The following SIK2 variants were observed in gnomAD, a reference collection of about 807,000 sequenced individuals.
SIK2 encodes serine/threonine-protein kinase SIK2.
SIK2 carries 29 observed loss-of-function variants against 103.2 expected under a neutral mutation model. The ratio of observed to expected loss-of-function variants is 0.28; its 90% CI spans 0.21 to 0.38. SIK2 has a LOEUF of 0.38. Among genes scored for constraint, SIK2 ranks in the 10% least tolerant of loss-of-function variants. SIK2 has a pLI of 1.00. For missense variants in SIK2, 879 were observed against 1,171.0 expected, an observed-to-expected ratio of 0.75 and a Z score of 3.64; for synonymous variants, 412 against 446.1, an observed-to-expected ratio of 0.92 and a Z score of 0.96.
chr11:111,672,029 G>A (rs543609542), intron 3 of SIK2: 2 of 519,796 alleles, frequency 3.8e-6, no homozygotes, highest in African/African-American at 3.9e-5. Flanking sequence ...TTGGTCTCAA[G>A]TGCCTTGTTC....
At chr11:111,665,276 T>C (rs1942521279) in intron 3 of SIK2, among the ~76,000 whole-genome samples, 1 of 150,128 alleles carries the variant, frequency 6.7e-6, no homozygotes, top group Non-Finnish European at 1.5e-5. Flanking sequence ...CGAAACCCCA[T>C]GTTTACAAAA....
At chr11:111,696,616 G>T (rs1353499106) in intron 4 of SIK2, among the ~76,000 whole-genome samples, 1 of 152,170 alleles carries the variant, frequency 6.6e-6, no homozygotes, top group Non-Finnish European at 1.5e-5. Context: ...TTCTAGCAGG[G>T]CTAGGCTGGA....
chr11:111,693,517 G>GT (rs1264398525), intron 4 of SIK2, among the ~76,000 whole-genome samples: 1 of 152,142 alleles, frequency 6.6e-6, no homozygotes, highest in African/African-American at 2.4e-5. Flanking sequence ...ATTTCCACCT[G>GT]TTTTGGCCCT....
intron 8 of SIK2, 42 bp from the exon 9 acceptor site, chr11:111,712,169 G>T: frequency 1.3e-6 from 2 of 1,572,450 alleles, no homozygotes; most frequent in African/African-American, 2.7e-5. Context: ...TATAGAGAAG[G>T]TATTCATGTT....
At chr11:111,654,617 AAAC>A (rs1942368028) in intron 3 of SIK2, among the ~76,000 whole-genome samples, 1 of 152,250 alleles carries the variant, frequency 6.6e-6, no homozygotes. Flanking sequence ...AATCAGTATA[AAAC>A]AACTTTTCAA....
chr11:111,608,075 A>C (rs1214551318), intron 1 of SIK2, among the ~76,000 whole-genome samples: 1 of 152,160 alleles, frequency 6.6e-6, no homozygotes, highest in Non-Finnish European at 1.5e-5. Context: ...TTTCCGCTTT[A>C]ATGTACCTAG....
intron 3 of SIK2, among the ~76,000 whole-genome samples, chr11:111,635,139 TA>T (rs1385084127): frequency 6.6e-6 from 1 of 152,072 alleles, no homozygotes; most frequent in Non-Finnish European, 1.5e-5. Context: ...AGAAAATTGT[TA>T]TTGTTCTCCC....
chr11:111,623,763 G>A (rs1004867402), intron 3 of SIK2, among the ~76,000 whole-genome samples: 1 of 152,132 alleles, frequency 6.6e-6, no homozygotes, highest in South Asian at 2.1e-4. Flanking sequence ...TCCCTCACAC[G>A]TGAGCCAATC....
intron 3 of SIK2, among the ~76,000 whole-genome samples, chr11:111,646,218 G>A (rs2135860111): frequency 6.6e-6 from 1 of 152,260 alleles, no homozygotes; most frequent in East Asian, 1.9e-4. Context: ...GGGAGGCCAA[G>A]GTGGGTGGAT....
intron 9 of SIK2, among the ~76,000 whole-genome samples, chr11:111,716,797 T>A (rs1943653511): frequency 6.6e-6 from 1 of 151,876 alleles, no homozygotes. Flanking sequence ...TCAGTAAAAA[T>A]ATTAAGGATA....
chr11:111,705,216 C>T lies in SIK2; in HGVS notation c.1101+77C>T. 3 of 1,402,766 alleles carry T rather than the reference C, an allele frequency of 2.1e-6. No homozygotes were observed. In the African/African-American group the frequency reaches 4.5e-5, roughly 21 times the overall value. 86.9% of individuals were successfully genotyped at this position (1,402,766 alleles called of 1,614,324 possible). Reference sequence around the variant, plus strand: ...TTTGATACATTTTTCATCTTATACACAGGGTTAGGATTTCATCCTCTACAC... The same window carrying T: ...TTTGATACATTTTTCATCTTATACATAGGGTTAGGATTTCATCCTCTACAC... On this transcript the variant is annotated intron_variant, in intron 8 of 14. Coordinates refer to ENST00000304987, the MANE Select transcript of SIK2 (RefSeq NM_015191.3). The surrounding 1 kb of genome is among the most constrained non-coding windows in gnomAD (Gnocchi z 4.3).
At chr11:111,714,125 CG>C (rs1591640532) in intron 9 of SIK2, among the ~76,000 whole-genome samples, 1 of 152,158 alleles carries the variant, frequency 6.6e-6, no homozygotes, top group Non-Finnish European at 1.5e-5. Flanking sequence ...GGCTGGAAAC[CG>C]GGGGTGAGGA....
rs189932580 is a variant in SIK2, at chr11:111,701,667, T to C, written c.727+92T>C. 2 of 1,486,548 alleles carry C rather than the reference T, an allele frequency of 1.3e-6. No homozygotes were observed. The highest frequency in any genetic ancestry group is 4.0e-5 in the Admixed American group (2 of 50,142). 92.1% of individuals were successfully genotyped at this position (1,486,548 alleles called of 1,614,324 possible). Reference sequence around the variant, plus strand: ...AAAAGCTTCTTTTTTTCTAAGAGTTTGGGTGCCAAATAAAGTGACTGAGCT... The same window carrying C: ...AAAAGCTTCTTTTTTTCTAAGAGTTCGGGTGCCAAATAAAGTGACTGAGCT... On this transcript the variant is annotated intron_variant, in intron 6 of 14. Transcript: ENST00000304987. This position sits in a 1 kb window ranked among gnomAD's most constrained non-coding sequence, Gnocchi z 4.2.
At chr11:111,614,957 G>A (rs944079269) in intron 1 of SIK2, among the ~76,000 whole-genome samples, 2 of 151,436 alleles carry the variant, frequency 1.3e-5, no homozygotes, top group African/African-American at 4.9e-5. Flanking sequence ...TGGCCAACGT[G>A]GTGAAACCCC....
intron 3 of SIK2, among the ~76,000 whole-genome samples, chr11:111,674,229 T>C (rs993365802): frequency 1.3e-5 from 2 of 152,184 alleles, no homozygotes; most frequent in African/African-American, 4.8e-5. Context: ...TCGTCTTTCT[T>C]TTATTGCTCC....
intron 3 of SIK2, among the ~76,000 whole-genome samples, chr11:111,662,625 C>T (rs1942481839): frequency 2.6e-5 from 4 of 151,898 alleles, no homozygotes; most frequent in Admixed American, 2.6e-4. Context: ...GCCTGTAATC[C>T]CAGCACTTTG....
intron 4 of SIK2, among the ~76,000 whole-genome samples, chr11:111,691,328 T>A (rs1349171971): frequency 6.6e-6 from 1 of 152,238 alleles, no homozygotes; most frequent in Non-Finnish European, 1.5e-5. Context: ...TCACATTTAA[T>A]TGGGCCCTCA....
At chr11:111,609,355 T>TCTG (rs1209733724) in intron 1 of SIK2, among the ~76,000 whole-genome samples, 2 of 151,918 alleles carry the variant, frequency 1.3e-5, no homozygotes. Context: ...AGGGTCTCAC[T>TCTG]CTGTCACCCA....
chr11:111,707,542 A>T (rs1943384100), intron 8 of SIK2, among the ~76,000 whole-genome samples: 3 of 152,204 alleles, frequency 2.0e-5, no homozygotes, highest in Non-Finnish European at 4.4e-5. Flanking sequence ...TTCAATGCTC[A>T]TTCACATGCT....
Sources: allele counts gnomAD v4.1 joint callset (sites outside exome capture counted in the v4.1 genomes callset), GRCh38; gene constraint gnomAD v4.1.1; non-coding constraint Gnocchi (gnomAD v3.1); transcripts MANE v1.5; gene names NCBI Gene and HGNC (gene_info 2026-07-23, HGNC 2026-07-21).